The following SYNE2 variants were observed in gnomAD, a reference collection of about 807,000 sequenced individuals.
The protein encoded by SYNE2 is spectrin repeat containing nuclear envelope protein 2.
In SYNE2, 431 loss-of-function variants were observed where a neutral mutation model predicts 856.3. The observed-to-expected ratio is 0.50, with a 90% CI of 0.47 to 0.55. The LOEUF (loss-of-function observed/expected upper bound fraction) is 0.55, where lower values mean the gene tolerates loss of function less well. Among genes scored for constraint, SYNE2 ranks in the 20% least tolerant of loss-of-function variants. The probability of loss-of-function intolerance (pLI) is 0.00; values close to 1 mark genes in which losing one functional copy is unlikely to be tolerated. For missense variants in SYNE2, 8,129 were observed against 8,023.2 expected, an observed-to-expected ratio of 1.01 and a Z score of -0.50; for synonymous variants, 2,923 against 2,872.3, an observed-to-expected ratio of 1.02 and a Z score of -0.56.
chr14:63,896,373 G>A (rs916468004), intron 1 of SYNE2, among the ~76,000 whole-genome samples: 1 of 152,164 alleles, frequency 6.6e-6, no homozygotes, highest in African/African-American at 2.4e-5. Flanking sequence ...TTTAATAAAA[G>A]CAGTTCTCTG....
At chr14:64,198,206 G>A (rs771279859) in intron 99 of SYNE2, among the ~76,000 whole-genome samples, 2 of 152,200 alleles carry the variant, frequency 1.3e-5, no homozygotes, top group Non-Finnish European at 2.9e-5. Flanking sequence ...TGGTGGCCAC[G>A]GCAGCAAAGC....
At chr14:64,073,483 A>C (rs2097429849) in intron 52 of SYNE2, among the ~76,000 whole-genome samples, 1 of 152,238 alleles carries the variant, frequency 6.6e-6, no homozygotes, top group Admixed American at 6.5e-5. Context: ...TATATTTATT[A>C]TATCACAATA....
chr14:63,765,492 A>G (rs1368703637), intron 1 of SYNE2, among the ~76,000 whole-genome samples: 1 of 152,018 alleles, frequency 6.6e-6, no homozygotes, highest in Non-Finnish European at 1.5e-5. Flanking sequence ...AGCTGAGACT[A>G]CAGGTGCCCG....
At chr14:64,068,748 G>A (rs1221161255) in intron 51 of SYNE2, among the ~76,000 whole-genome samples, 2 of 150,896 alleles carry the variant, frequency 1.3e-5, no homozygotes, top group Non-Finnish European at 2.9e-5. Flanking sequence ...TGTAATCCCA[G>A]CTGCTCGGGA....
chr14:63,992,816 G>A (rs2096678862), intron 21 of SYNE2, among the ~76,000 whole-genome samples: 1 of 152,194 alleles, frequency 6.6e-6, no homozygotes, highest in South Asian at 2.1e-4. Context: ...CATAAATCTA[G>A]CAGTCCTCAA....
chr14:63,804,171 T>C (rs927355823), intron 1 of SYNE2, among the ~76,000 whole-genome samples: 23 of 152,248 alleles, frequency 1.5e-4, no homozygotes, highest in Non-Finnish European at 1.8e-4. Context: ...GGTAGTTCTT[T>C]ACAGGAGTGT....
chr14:63,917,534 A>C (rs1595622178), intron 2 of SYNE2, among the ~76,000 whole-genome samples: 1 of 152,140 alleles, frequency 6.6e-6, no homozygotes. Flanking sequence ...GCAATGGCAC[A>C]ATCTTGGCTC....
chr14:64,221,119 G>A (rs1194370146), intron 111 of SYNE2, among the ~76,000 whole-genome samples: 1 of 152,140 alleles, frequency 6.6e-6, no homozygotes, highest in East Asian at 1.9e-4. Context: ...GAGGCAGTAT[G>A]TATAATCCTA....
intron 1 of SYNE2, among the ~76,000 whole-genome samples, chr14:63,859,408 ACTTTT>A (rs1323663044): frequency 2.3e-4 from 35 of 151,344 alleles, no homozygotes; most frequent in African/African-American, 8.0e-4. Flanking sequence ...TTGATTTGTG[ACTTTT>A]CTTCTTTTCT....
In SYNE2 at chr14:63,820,750, C is replaced by CT. The variant is rs201007276; in HGVS notation, c.-304-31734dup. ...GGAATTGCAAAGGAGCACAGGAGAA[C>CT]TTTTTTTTTTTTTTTTTGAGATGGA... On this transcript the variant is annotated intron_variant, in intron 1 of 23. Coordinates refer to the SYNE2 transcript ENST00000674003. 3.1e-3 allele frequency among the ~76,000 whole-genome samples: 439 copies of CT among 140,378 alleles called. 4 individuals carry two copies. The highest frequency in any genetic ancestry group is 1.0e-2 in the African/African-American group (381 of 38,194). The allele number at this position is 140,378 out of a possible 152,430, so 92.1% of individuals were successfully genotyped here. A position where few individuals can be genotyped will look rare whatever the true frequency, so the allele number is the denominator to read the frequency against.
chr14:63,834,401 G>C (rs1490065812), intron 1 of SYNE2, among the ~76,000 whole-genome samples: 1 of 151,792 alleles, frequency 6.6e-6, no homozygotes. Context: ...TTCATCCTTG[G>C]GTTATTTTGT....
chr14:64,221,682 TAGAGTGTCGGAGGGAACTAATGGTA>T lies in SYNE2; in HGVS notation c.20171_20190+5del. On this transcript the variant is annotated splice_donor_variant and splice_donor_region_variant and coding_sequence_variant and intron_variant, in exon 112 of 116. Transcript: ENST00000555002. LOFTEE classifies it high-confidence loss of function. ...CCAAAGGCAGACCCCCGGGCTCTCC[TAGAGTGTCGGAGGGAACTAATGGTA>T]AGTTTCCTCCCAAGGGCTCTGTACT... The T allele has an allele frequency of 6.2e-7, 1 of 1,614,116 alleles. No homozygotes were observed. Among genetic ancestry groups the T allele is most frequent in the Non-Finnish European group, 8.5e-7 (1 of 1,179,998 alleles).
intron 1 of SYNE2, among the ~76,000 whole-genome samples, chr14:63,839,829 A>G (rs1889988212): frequency 6.6e-6 from 1 of 152,228 alleles, no homozygotes; most frequent in African/African-American, 2.4e-5. Flanking sequence ...ATTATTCCAC[A>G]CCCTGAAGCT....
At chr14:63,953,273 G>A (rs563505397) in intron 7 of SYNE2, among the ~76,000 whole-genome samples, 9 of 152,276 alleles carry the variant, frequency 5.9e-5, no homozygotes, top group African/African-American at 1.2e-4. Context: ...GCTTTGCTGC[G>A]GAGAGACTTT....
Position 63,941,957 on chromosome 14 carries a change from C to T in SYNE2, c.310C>T (p.Arg104Ter), listed in dbSNP as rs917124460. ...IEHALTFLRNRSIKLINIHVT... is the reference protein window; with the variant it reads ...IEHALTFLRN Reference sequence around the variant, plus strand: ...ACATGCCTTGACATTCCTAAGAAACCGATCAGTAAGTATAAATTTTTCTTA... The same window carrying T: ...ACATGCCTTGACATTCCTAAGAAACTGATCAGTAAGTATAAATTTTTCTTA... The change falls in exon 5 of 116, where the codon CGA (arginine) becomes TGA (stop). Residue 104 changes from arginine to a stop codon, truncating the protein, a stop_gained. Coordinates refer to ENST00000555002, the MANE Select transcript of SYNE2 (RefSeq NM_182914.3). LOFTEE classifies it high-confidence loss of function. The T allele has an allele frequency of 3.7e-6, 6 of 1,611,848 alleles. No individual in the cohort carries two copies. Among genetic ancestry groups the T allele is most frequent in the Non-Finnish European group, 5.1e-6 (6 of 1,178,980 alleles).
At chr14:64,139,737 G>A (rs1451763021) in intron 79 of SYNE2, among the ~76,000 whole-genome samples, 2 of 152,162 alleles carry the variant, frequency 1.3e-5, no homozygotes, top group East Asian at 1.9e-4. Flanking sequence ...TTCTTGCTGA[G>A]CTGTAATGAA....
intron 107 of SYNE2, 143 bp downstream of exon 107, chr14:64,215,497 T>G (rs2098662054): frequency 1.2e-6 from 1 of 854,966 alleles, no homozygotes; most frequent in Admixed American, 1.7e-5. Context: ...GTATTTACAC[T>G]GCCGTACTCA....
chr14:64,138,246 A>G (rs1272906796), intron 79 of SYNE2, among the ~76,000 whole-genome samples: 1 of 151,722 alleles, frequency 6.6e-6, no homozygotes, highest in Non-Finnish European at 1.5e-5. Flanking sequence ...TTAAGGAGGC[A>G]AGGTCTTGCA....
intron 97 of SYNE2, among the ~76,000 whole-genome samples, chr14:64,187,042 T>C (rs933260407): frequency 3.3e-5 from 5 of 152,218 alleles, no homozygotes; most frequent in African/African-American, 1.2e-4. Flanking sequence ...CTGATGTTTA[T>C]TTCAAGTAGC....
Sources: allele counts gnomAD v4.1 joint callset (sites outside exome capture counted in the v4.1 genomes callset), GRCh38; gene constraint gnomAD v4.1.1; transcripts MANE v1.5; gene names NCBI Gene and HGNC (gene_info 2026-07-23, HGNC 2026-07-21).